The following ADGRL2 variants were observed in gnomAD, a reference collection of about 807,000 sequenced individuals.
The protein encoded by ADGRL2 is adhesion G protein-coupled receptor L2.
Under a neutral mutation model 157.4 loss-of-function variants are expected in ADGRL2, and 44 were observed. The ratio of observed to expected loss-of-function variants is 0.28; its 90% CI spans 0.22 to 0.36. ADGRL2 has a LOEUF of 0.36. ADGRL2 is among the 10% of genes least tolerant of loss of function. The probability of loss-of-function intolerance (pLI) is 1.00; values close to 1 mark genes in which losing one functional copy is unlikely to be tolerated. For synonymous variants in ADGRL2, 585 were observed against 624.7 expected (o/e 0.94, Z 0.95); for missense variants, 1,510 against 1,768.9 (o/e 0.85, Z 2.63).
chr1:81,383,160 C>G (rs908760715), intron 1 of ADGRL2, among the ~76,000 whole-genome samples: 4 of 152,158 alleles, frequency 2.6e-5, no homozygotes, highest in African/African-American at 9.7e-5. Flanking sequence ...ACAGGAAAGC[C>G]TAGATAAAGG....
intron 3 of ADGRL2, among the ~76,000 whole-genome samples, chr1:81,934,064 G>T (rs796329060): frequency 1.3e-5 from 2 of 151,810 alleles, no homozygotes; most frequent in South Asian, 4.1e-4. Flanking sequence ...TAATTTTATT[G>T]CAGGAGCTTC....
chr1:81,687,165 G>A (rs756162003), intron 3 of ADGRL2, among the ~76,000 whole-genome samples: 2 of 152,140 alleles, frequency 1.3e-5, no homozygotes, highest in Admixed American at 6.6e-5. Context: ...TTGTTCCAAG[G>A]TATAGTTTAA....
chr1:81,460,241 TTTTATATTAATGA>T (rs1377619995), intron 2 of ADGRL2, among the ~76,000 whole-genome samples: 1 of 151,690 alleles, frequency 6.6e-6, no homozygotes, highest in Non-Finnish European at 1.5e-5. Context: ...TCATGTAAAT[TTTTATATTAATGA>T]TTTATATTAA....
intron 2 of ADGRL2, among the ~76,000 whole-genome samples, chr1:81,504,925 T>C (rs1262942867): frequency 6.6e-6 from 1 of 152,104 alleles, no homozygotes; most frequent in African/African-American, 2.4e-5. Flanking sequence ...GCGGCTCCTG[T>C]GCTGTAAAGA....
At chr1:81,604,252 G>A (rs1212183275) in intron 3 of ADGRL2, among the ~76,000 whole-genome samples, 7 of 152,018 alleles carry the variant, frequency 4.6e-5, no homozygotes, top group Admixed American at 2.6e-4. Context: ...GGCGTGAGCC[G>A]CTGTGCCTGG....
intron 2 of ADGRL2, among the ~76,000 whole-genome samples, chr1:81,862,881 A>G (rs1433171675): frequency 6.6e-6 from 1 of 152,190 alleles, no homozygotes. Flanking sequence ...AGCTTTTTCA[A>G]AACCAAAATG....
chr1:81,569,148 A>G (rs2080629161), intron 2 of ADGRL2, among the ~76,000 whole-genome samples: 1 of 152,316 alleles, frequency 6.6e-6, no homozygotes, highest in East Asian at 1.9e-4. Context: ...ATAATAATTA[A>G]AAGTGAATAA....
intron 1 of ADGRL2, among the ~76,000 whole-genome samples, chr1:81,387,987 A>G (rs978471968): frequency 1.4e-4 from 22 of 152,062 alleles, no homozygotes; most frequent in African/African-American, 4.6e-4. Context: ...TACCATCATC[A>G]ATATTTTATG....
chr1:81,813,723 T>G (rs2090106117), intron 1 of ADGRL2, among the ~76,000 whole-genome samples: 1 of 151,746 alleles, frequency 6.6e-6, no homozygotes. Flanking sequence ...TTAAATAATA[T>G]AAAAAGATAT....
chr1:81,391,442 G>A (rs967629459), intron 1 of ADGRL2, among the ~76,000 whole-genome samples: 2 of 152,310 alleles, frequency 1.3e-5, no homozygotes, highest in African/African-American at 4.8e-5. Flanking sequence ...GCATTTGCAG[G>A]AACTGTTTTC....
chr1:81,651,863 G>C lies in ADGRL2; in HGVS notation c.-143+70883G>C, dbSNP rs141271868. On this transcript the variant is annotated intron_variant, in intron 3 of 24. Transcript: ENST00000370721. Reference sequence around the variant, plus strand: ...ATCCTTTTGCATAGCTAGGAATAGAGGCACACGCCACTGCACCCAACTAAT... The same window carrying C: ...ATCCTTTTGCATAGCTAGGAATAGACGCACACGCCACTGCACCCAACTAAT... 8.5e-5 allele frequency among the ~76,000 whole-genome samples: 13 copies of C among 152,156 alleles called. No individual in the cohort carries two copies. In the East Asian group the frequency reaches 2.5e-3, roughly 30 times the overall value.
intron 3 of ADGRL2, among the ~76,000 whole-genome samples, chr1:81,672,894 GT>G (rs1257424044): frequency 6.6e-6 from 1 of 152,198 alleles, no homozygotes; most frequent in African/African-American, 2.4e-5. Context: ...ATTTGGAAAT[GT>G]TTGAAAACAT....
chr1:81,457,430 A>G (rs779858241), intron 2 of ADGRL2, among the ~76,000 whole-genome samples: 18 of 151,980 alleles, frequency 1.2e-4, no homozygotes, highest in South Asian at 2.1e-4. Context: ...TAATCAGCTT[A>G]TTGTTTCTGA....
chr1:81,372,090 A>G (rs536458344), intron 1 of ADGRL2, among the ~76,000 whole-genome samples: 66 of 152,270 alleles, frequency 4.3e-4, no homozygotes, highest in African/African-American at 1.5e-3. Context: ...TCAAAGCGAA[A>G]CAAACAACCT....
At chr1:81,651,759 G>T (rs2082424729) in intron 3 of ADGRL2, among the ~76,000 whole-genome samples, 1 of 152,080 alleles carries the variant, frequency 6.6e-6, no homozygotes, top group Non-Finnish European at 1.5e-5. Context: ...TTAGAGACAG[G>T]ATCTTGCTCA....
intron 1 of ADGRL2, among the ~76,000 whole-genome samples, chr1:81,356,501 A>G (rs1050877328): frequency 5.8e-4 from 88 of 152,282 alleles, no homozygotes; most frequent in African/African-American, 2.0e-3. Flanking sequence ...AAAGATTAAG[A>G]AAAAAGAAGT....
At chr1:81,404,435 T>C (rs2076817743) in intron 1 of ADGRL2, among the ~76,000 whole-genome samples, 1 of 152,174 alleles carries the variant, frequency 6.6e-6, no homozygotes, top group Non-Finnish European at 1.5e-5. Flanking sequence ...TCATAATAAA[T>C]CTATGAAGGT....
chr1:81,608,792 C>T (rs192705697), intron 3 of ADGRL2, among the ~76,000 whole-genome samples: 1 of 152,218 alleles, frequency 6.6e-6, no homozygotes, highest in East Asian at 1.9e-4. Flanking sequence ...CATTCTTCTC[C>T]CCAATATTAC....
chr1:81,816,109 T>C (rs1008952100), intron 1 of ADGRL2, among the ~76,000 whole-genome samples: 5 of 151,878 alleles, frequency 3.3e-5, no homozygotes, highest in African/African-American at 1.2e-4. Context: ...CATACACTAA[T>C]GGCCTCATTC....
Sources: allele counts gnomAD v4.1 joint callset (sites outside exome capture counted in the v4.1 genomes callset), GRCh38; gene constraint gnomAD v4.1.1; transcripts MANE v1.5; gene names NCBI Gene and HGNC (gene_info 2026-07-23, HGNC 2026-07-21).